Variants in RNF182 observed in about 807,000 individuals in gnomAD.
RNF182 encodes the protein E3 ubiquitin-protein ligase RNF182.
In RNF182, 15 loss-of-function variants were observed where a neutral mutation model predicts 14.4. The observed-to-expected ratio is 1.04, with a 90% CI of 0.70 to 1.60. The LOEUF (loss-of-function observed/expected upper bound fraction) is 1.60, where lower values mean the gene tolerates loss of function less well. Ranked by LOEUF, RNF182 falls within the 40% of genes most tolerant of loss-of-function variation. The pLI, the probability that RNF182 is intolerant of heterozygous loss-of-function variation, is 0.00. For missense variants in RNF182, 268 were observed against 294.8 expected, an observed-to-expected ratio of 0.91 and a Z score of 0.67; for synonymous variants, 128 against 122.9, an observed-to-expected ratio of 1.04 and a Z score of -0.27.
chr6:13,969,849 A>G (rs531031212), intron 1 of RNF182, among the ~76,000 whole-genome samples: 8 of 152,286 alleles, frequency 5.3e-5, no homozygotes, highest in Admixed American at 4.6e-4. Context: ...CCAGCTTCAT[A>G]TATTTGAAAA....
chr6:13,931,421 A>T (rs550963698), intron 1 of RNF182, among the ~76,000 whole-genome samples: 9 of 152,224 alleles, frequency 5.9e-5, no homozygotes, highest in Admixed American at 1.3e-4. Flanking sequence ...TTGTTTTAGG[A>T]TGCCGAAGGT....
At chr6:13,964,750 A>G (rs1759974577) in intron 1 of RNF182, among the ~76,000 whole-genome samples, 1 of 152,112 alleles carries the variant, frequency 6.6e-6, no homozygotes, top group Non-Finnish European at 1.5e-5. Context: ...AACTTGACCT[A>G]CAGAGGGTGG....
chr6:13,977,171 C>T lies in RNF182; in HGVS notation c.52C>T (p.Leu18=), dbSNP rs149301834. 12 of 1,614,146 alleles carry T rather than the reference C, an allele frequency of 7.4e-6. No homozygotes were observed. The East Asian group carries it at 2.7e-4, about 36-fold the overall frequency. ...TGCGGAGTCTCAGGCCTCTGATGAG[C>T]TGGAGTGCAAAATCTGTTACAATCG... is the stretch of plus-strand genomic sequence containing the variant. ...DTAESQASDE[L]ECKICYNRYN... is the part of the protein sequence containing the mutation. Residue 18 remains leucine (L), a synonymous_variant, in exon 3 of 3, where the codon CTG becomes TTG. Transcript: ENST00000488300.
intron 1 of RNF182, among the ~76,000 whole-genome samples, chr6:13,937,760 TATCGGC>T (rs578116193): frequency 2.0e-3 from 308 of 152,330 alleles, no homozygotes; most frequent in African/African-American, 7.1e-3. Flanking sequence ...CAGGTGGTTA[TATCGGC>T]GACATTCTCA....
chr6:13,977,808 G>A lies in RNF182; in HGVS notation c.689G>A (p.Gly230Asp), dbSNP rs1760377986. The A allele has an allele frequency of 6.2e-7, 1 of 1,614,122 alleles. No individual in the cohort carries two copies. The highest frequency in any genetic ancestry group is 8.5e-7 in the Non-Finnish European group (1 of 1,179,984). The change falls in exon 3 of 3, where the codon GGT (glycine) becomes GAT (aspartate). Residue 230 changes from glycine (G) to aspartate (D), a missense_variant. Transcript: ENST00000488300. ...PSSLVILMVYGFCQCVCHEFL... is the reference protein window; with the variant it reads ...PSSLVILMVYDFCQCVCHEFL... The stretch of plus-strand genomic sequence containing the variant: ...AGCCTCGTTATTCTTATGGTGTATG[G>A]TTTTTGCCAGTGTGTTTGTCATGAA...
chr6:13,975,832 C>T (rs1760308788), intron 2 of RNF182, among the ~76,000 whole-genome samples: 1 of 151,958 alleles, frequency 6.6e-6, no homozygotes, highest in South Asian at 2.1e-4. Context: ...TTTTTCTAAG[C>T]CAAACATAAT....
Position 13,977,212 on chromosome 6 carries a change from G to T in RNF182, c.93G>T (p.Gln31His), listed in dbSNP as rs1204461939. 6.2e-7 allele frequency: 1 copy of T among 1,614,202 alleles called. No homozygotes were observed. Among genetic ancestry groups the T allele is most frequent in the Non-Finnish European group, 8.5e-7 (1 of 1,180,028 alleles). ...KICYNRYNLKQRKPKVLECCH... is the reference protein window; with the variant it reads ...KICYNRYNLKHRKPKVLECCH... ...GTTACAATCGATACAATCTGAAACA[G>T]AGGAAACCCAAAGTGCTGGAGTGTT... The change falls in exon 3 of 3, where the codon CAG (glutamine) becomes CAT (histidine). Residue 31 changes from glutamine to histidine, a missense_variant. Transcript: ENST00000488300.
At chr6:13,926,528 G>A (rs1758829961) in intron 1 of RNF182, among the ~76,000 whole-genome samples, 1 of 152,140 alleles carries the variant, frequency 6.6e-6, no homozygotes, top group African/African-American at 2.4e-5. Flanking sequence ...TCACAATTGG[G>A]CTTGTTTTTA....
At chr6:13,938,134 G>A (rs981622452) in intron 1 of RNF182, among the ~76,000 whole-genome samples, 1 of 148,572 alleles carries the variant, frequency 6.7e-6, no homozygotes. Flanking sequence ...TGCGTAACTG[G>A]GACTACAGGC....
intron 1 of RNF182, among the ~76,000 whole-genome samples, chr6:13,972,492 A>T (rs1169465865): frequency 6.6e-6 from 1 of 152,180 alleles, no homozygotes; most frequent in African/African-American, 2.4e-5. Context: ...AGAGGTCTTT[A>T]TGGCAGCCCC....
intron 1 of RNF182, among the ~76,000 whole-genome samples, chr6:13,935,039 A>G (rs1190421972): frequency 1.3e-5 from 2 of 152,234 alleles, no homozygotes; most frequent in African/African-American, 4.8e-5. Flanking sequence ...ATAGGAAGCC[A>G]TTCTAGGACT....
chr6:13,977,373 A>T lies in RNF182; in HGVS notation c.254A>T (p.Asn85Ile). The change falls in exon 3 of 3, where the codon AAC becomes ATC. Residue 85 changes from asparagine to isoleucine, a missense_variant. Asn to Ile is a moderately radical substitution (Grantham distance 149). Transcript: ENST00000488300. ...GAAGTTAGTAGCCTGCCCGATGACA[A>T]CAACATCCTTGTAAACTTGACTTGT... ...DDEVSSLPDD[N>I]NILVNLTCGG... 1 of 1,614,204 alleles carries T rather than the reference A, an allele frequency of 6.2e-7. No homozygotes were observed. Among genetic ancestry groups the T allele is most frequent in the Non-Finnish European group, 8.5e-7 (1 of 1,180,022 alleles).
At chr6:13,966,266 A>T (rs1273707361) in intron 1 of RNF182, among the ~76,000 whole-genome samples, 1 of 152,224 alleles carries the variant, frequency 6.6e-6, no homozygotes, top group Non-Finnish European at 1.5e-5. Flanking sequence ...CTGAACAAAA[A>T]GTTAACCAGA....
At chr6:13,948,257 A>G (rs905780196) in intron 1 of RNF182, among the ~76,000 whole-genome samples, 2 of 152,196 alleles carry the variant, frequency 1.3e-5, no homozygotes, top group Admixed American at 6.5e-5. Context: ...TCAGAGTCCT[A>G]TAACTGATTA....
chr6:13,928,871 G>A (rs1023317578), intron 1 of RNF182, among the ~76,000 whole-genome samples: 3 of 152,104 alleles, frequency 2.0e-5, no homozygotes, highest in Non-Finnish European at 4.4e-5. Context: ...GGGGTGCGGT[G>A]GTGGTGGTTG....
At position 13,937,747 on chromosome 6, in the gene RNF182, GT is replaced by G. The variant is rs112624654; in HGVS notation, c.-367+12725del. Reference sequence around the variant, plus strand: ...GCTATCAAACATTTGCCAAACAGTTGTCCAGGTGGTTATATCGGCGACATTC... The same window carrying G: ...GCTATCAAACATTTGCCAAACAGTTGCCAGGTGGTTATATCGGCGACATTC... On this transcript the variant is annotated intron_variant, in intron 1 of 2. Transcript: ENST00000488300. 6.1e-3 allele frequency among the ~76,000 whole-genome samples: 929 copies of G among 152,092 alleles called. 9 individuals carry two copies. Among genetic ancestry groups the G allele is most frequent in the African/African-American group, 0.021 (875 of 41,374 alleles).
At chr6:13,962,384 G>T (rs1285638271) in intron 1 of RNF182, among the ~76,000 whole-genome samples, 1 of 152,172 alleles carries the variant, frequency 6.6e-6, no homozygotes, top group Non-Finnish European at 1.5e-5. Flanking sequence ...CCAATGTTCT[G>T]CCTTGATAGT....
intron 1 of RNF182, among the ~76,000 whole-genome samples, chr6:13,925,744 T>C (rs1585026191): frequency 6.6e-6 from 1 of 152,200 alleles, no homozygotes; most frequent in African/African-American, 2.4e-5. Context: ...AAAGTGCCTT[T>C]TGTTTTTATG....
chr6:13,945,829 T>C (rs963919276), intron 1 of RNF182, among the ~76,000 whole-genome samples: 6 of 152,050 alleles, frequency 3.9e-5, no homozygotes, highest in Non-Finnish European at 8.8e-5. Flanking sequence ...CAGAAAGGGG[T>C]CCCAAACCAG....
Sources: gnomAD v4.1 joint callset for allele counts (sites outside exome capture counted in the v4.1 genomes callset) on GRCh38, gnomAD v4.1.1 for gene constraint, MANE v1.5 for transcripts, NCBI Gene and HGNC (gene_info 2026-07-23, HGNC 2026-07-21) for gene names.